The following PCDHA9 variants were observed in gnomAD, a reference collection of about 807,000 sequenced individuals.
PCDHA9 encodes protocadherin alpha 9.
In PCDHA9, 62 loss-of-function variants were observed where a neutral mutation model predicts 62.0. The observed-to-expected ratio is 1.00, with a 90% CI of 0.81 to 1.23. The LOEUF is 1.23. PCDHA9 is among the 50% of genes most tolerant of loss of function. The pLI is 0.00. For missense variants in PCDHA9, 1,205 were observed against 1,249.8 expected, an observed-to-expected ratio of 0.96 and a Z score of 0.54; for synonymous variants, 557 against 567.6, an observed-to-expected ratio of 0.98 and a Z score of 0.27.
In PCDHA9 at chr5:140,883,981, C is replaced by T. The variant is rs781859248; in HGVS notation, c.2394+33092C>T. 9.3e-6 allele frequency: 15 copies of T among 1,612,896 alleles called. No homozygotes were observed. In the South Asian group the frequency reaches 1.5e-4, roughly 17 times the overall value. ...CGGCGCTGCTGACGCCCGGGGCTGG[C>T]AGCGCGGGAGGCACAGTGAGCGAGC... On this transcript the variant is annotated intron_variant, in intron 1 of 3. Coordinates refer to ENST00000532602, the MANE Select transcript of PCDHA9 (RefSeq NM_031857.2).
At chr5:140,867,140 CATT>C (rs782677875) in intron 1 of PCDHA9, 7 of 152,092 alleles carry the variant, frequency 4.6e-5, no homozygotes, top group Non-Finnish European at 1.0e-4. Context: ...GTGATATTAT[CATT>C]TTTCCAGAGT....
rs542968986 is a variant in PCDHA9, at chr5:141,005,917, A to T, written c.2543-3710A>T. On this transcript the variant is annotated intron_variant, in intron 3 of 3. Transcript: ENST00000532602. ...AGCAATGATTGCACCACTGCACTTCAGCCTGGTTGACAGAGTGAGAACCTA... is the reference window on the plus strand; with the variant it reads ...AGCAATGATTGCACCACTGCACTTCTGCCTGGTTGACAGAGTGAGAACCTA... Among the ~76,000 whole-genome samples the T allele has an allele frequency of 4.5e-4, 69 of 152,156 alleles. No homozygotes were observed. In the South Asian group the frequency reaches 0.013, roughly 28 times the overall value.
Position 140,850,666 on chromosome 5 carries a change from C to A in PCDHA9, c.2171C>A (p.Ser724Ter), listed in dbSNP as rs2150492830. 6.9e-6 allele frequency: 11 copies of A among 1,598,434 alleles called. 3 individuals carry two copies. Among genetic ancestry groups the A allele is most frequent in the Middle Eastern group, 1.7e-4 (1 of 5,998 alleles). ...TLLLYTVLRC[S>*]AMPTEGECAP... ...CTGCTGTACACTGTGCTGCGGTGCT[C>A]GGCGATGCCCACCGAGGGCGAGTGC... Residue 724 changes from serine (S) to a stop codon, truncating the protein, a stop_gained, in exon 1 of 4, where the codon TCG (serine) becomes TAG (stop). Transcript: ENST00000532602. LOFTEE classifies it high-confidence loss of function.
At chr5:140,869,616 G>C (rs1554163306) in intron 1 of PCDHA9, 1 of 1,613,734 alleles carries the variant, frequency 6.2e-7, no homozygotes, top group Non-Finnish European at 8.5e-7. Context: ...TGACCTACAG[G>C]CTAAGTAAAA....
At chr5:140,895,935 C>T (rs922054631) in intron 1 of PCDHA9, among the ~76,000 whole-genome samples, 20 of 152,028 alleles carry the variant, frequency 1.3e-4, no homozygotes, top group African/African-American at 4.1e-4. Flanking sequence ...CTCAGCCTCC[C>T]GAGTAGCTGG....
Position 140,882,483 on chromosome 5 carries a change from G to C in PCDHA9, c.2394+31594G>C. ...TTCCGGGTGGCGTCCAAAAGACACG[G>C]GGACCTTCTGGAGGTAAATCTGCAG... On this transcript the variant is annotated intron_variant, in intron 1 of 3. Coordinates refer to ENST00000532602, the MANE Select transcript of PCDHA9 (RefSeq NM_031857.2). 2 of 1,614,080 alleles carry C rather than the reference G, an allele frequency of 1.2e-6. No individual in the cohort carries two copies. Among genetic ancestry groups the C allele is most frequent in the Non-Finnish European group, 1.7e-6 (2 of 1,180,052 alleles).
At chr5:140,857,106 C>A (rs2044362842) in intron 1 of PCDHA9, 2 of 1,597,856 alleles carry the variant, frequency 1.3e-6, no homozygotes, top group African/African-American at 2.7e-5. Context: ...ATTGTCACTT[C>A]TCTGTCTCTC....
chr5:140,920,716 C>T (rs1456008356), intron 1 of PCDHA9, among the ~76,000 whole-genome samples: 3 of 151,916 alleles, frequency 2.0e-5, no homozygotes, highest in South Asian at 2.1e-4. Flanking sequence ...TGGTGGTGTG[C>T]GCCTGCAGTC....
chr5:140,966,888 C>A, intron 1 of PCDHA9: 13 of 1,593,128 alleles, frequency 8.2e-6, no homozygotes, highest in Non-Finnish European at 1.1e-5. Context: ...GGCCCTGCGG[C>A]CTCCCAGCTG....
chr5:140,850,438 T>A lies in PCDHA9; in HGVS notation c.1943T>A (p.Leu648Gln). The change falls in exon 1 of 4, where the codon CTG (leucine) becomes CAG (glutamine). Residue 648 changes from leucine (L) to glutamine (Q), a missense_variant. Leu to Gln is a moderately radical substitution (Grantham distance 113, BLOSUM62 -2). Around this residue, in one of 3 missense-constraint regions of PCDHA9, gnomAD observed 887 missense variants for 809.5 expected, o/e 1.10. Coordinates refer to ENST00000532602, the MANE Select transcript of PCDHA9 (RefSeq NM_031857.2). ...ACGGACGCACCGCGCCAGCGCCTAC[T>A]GGTGCTGGTGAAAGACCACGGGGAG... is the stretch of plus-strand genomic sequence containing the variant. Reference protein sequence around the residue: ...DETDAPRQRLLVLVKDHGEPA... With the variant: ...DETDAPRQRLQVLVKDHGEPA... 1 of 1,597,768 alleles carries A rather than the reference T, an allele frequency of 6.3e-7. No individual in the cohort carries two copies. The highest frequency in any genetic ancestry group is 8.6e-7 in the Non-Finnish European group (1 of 1,167,580).
At chr5:140,966,695 C>CGGGCGTG in intron 1 of PCDHA9, 1 of 1,358,486 alleles carries the variant, frequency 7.4e-7, no homozygotes, top group Non-Finnish European at 9.5e-7. Flanking sequence ...AGGCGGGGCC[C>CGGGCGTG]GGGCGTGGGG....
chr5:140,924,391 T>C (rs2081808127), intron 1 of PCDHA9, among the ~76,000 whole-genome samples: 1 of 152,326 alleles, frequency 6.6e-6, no homozygotes, highest in East Asian at 1.9e-4. Flanking sequence ...TTACTACTTA[T>C]ATTGCCTTAT....
intron 3 of PCDHA9, among the ~76,000 whole-genome samples, chr5:140,983,526 A>C (rs1421450953): frequency 6.6e-6 from 1 of 152,230 alleles, no homozygotes; most frequent in African/African-American, 2.4e-5. Context: ...TGCCAAGTAC[A>C]TTGTATGTGT....
intron 3 of PCDHA9, among the ~76,000 whole-genome samples, chr5:140,994,729 A>G (rs1382639837): frequency 6.6e-6 from 1 of 152,180 alleles, no homozygotes; most frequent in Non-Finnish European, 1.5e-5. Flanking sequence ...AATACTGGGT[A>G]TTGCAGGATG....
chr5:140,937,219 T>A (rs555881657), intron 1 of PCDHA9, among the ~76,000 whole-genome samples: 4 of 151,838 alleles, frequency 2.6e-5, no homozygotes, highest in East Asian at 3.9e-4. Context: ...TTGTATTTTT[T>A]GTAGAGACGG....
At chr5:140,929,192 A>C (rs1367500775) in intron 1 of PCDHA9, 1 of 1,614,124 alleles carries the variant, frequency 6.2e-7, no homozygotes, top group Non-Finnish European at 8.5e-7. Context: ...TCTGATAATA[A>C]CAGTTTGCTG....
chr5:140,940,029 C>T (rs1411990785), intron 1 of PCDHA9, among the ~76,000 whole-genome samples: 4 of 152,136 alleles, frequency 2.6e-5, no homozygotes, highest in East Asian at 1.9e-4. Flanking sequence ...TGTTTTAAGG[C>T]TATTTTATTT....
chr5:140,950,323 A>G (rs1400315467), intron 1 of PCDHA9, among the ~76,000 whole-genome samples: 1 of 152,046 alleles, frequency 6.6e-6, no homozygotes, highest in Non-Finnish European at 1.5e-5. Context: ...TAATGCATAT[A>G]TGCTGCAGTG....
At chr5:140,967,301 G>T in intron 1 of PCDHA9, 2 of 1,612,148 alleles carry the variant, frequency 1.2e-6, no homozygotes, top group Middle Eastern at 1.7e-4. Flanking sequence ...CGACGTGGGC[G>T]CCAACTCAGT....
Sources: gnomAD v4.1 joint callset for allele counts (sites outside exome capture counted in the v4.1 genomes callset) on GRCh38, gnomAD v4.1.1 for gene constraint, gnomAD v4.1.1 regional missense constraint, MANE v1.5 for transcripts, NCBI Gene and HGNC (gene_info 2026-07-23, HGNC 2026-07-21) for gene names.